The following WWP2 variants were observed in gnomAD, a reference collection of about 807,000 sequenced individuals.
WWP2 encodes the protein NEDD4-like E3 ubiquitin-protein ligase WWP2.
In WWP2, 57 loss-of-function variants were observed where a neutral mutation model predicts 121.0. That is an observed-to-expected ratio of 0.47 (90% confidence interval 0.38 to 0.59). WWP2 has a LOEUF of 0.59. Ranked by LOEUF, WWP2 falls within the 20% of genes least tolerant of loss-of-function variation. The pLI is 0.00. For synonymous variants in WWP2, 449 were observed against 441.3 expected (o/e 1.02, Z -0.22); for missense variants, 962 against 1,158.9 (o/e 0.83, Z 2.47).
intron 8 of WWP2, among the ~76,000 whole-genome samples, chr16:69,889,036 C>T (rs1424787222): frequency 1.3e-5 from 2 of 152,134 alleles, no homozygotes; most frequent in African/African-American, 2.4e-5. Flanking sequence ...AGTCAGATGG[C>T]GTGGTGGCTC....
intron 1 of WWP2, among the ~76,000 whole-genome samples, chr16:69,766,415 G>T (rs953297332): frequency 3.3e-5 from 5 of 152,140 alleles, no homozygotes; most frequent in African/African-American, 1.2e-4. Context: ...GGTGGATCCT[G>T]TCCACTCCAC....
intron 9 of WWP2, among the ~76,000 whole-genome samples, chr16:69,915,881 T>G (rs2058472892): frequency 1.3e-5 from 2 of 151,828 alleles, no homozygotes; most frequent in African/African-American, 4.8e-5. Flanking sequence ...CAAAAATTTT[T>G]TTAAAAAATT....
At chr16:69,894,640 A>G (rs1357549375) in intron 8 of WWP2, among the ~76,000 whole-genome samples, 2 of 152,178 alleles carry the variant, frequency 1.3e-5, no homozygotes, top group Non-Finnish European at 2.9e-5. Flanking sequence ...GGTGCCAGGA[A>G]GGTTTGAAGG....
At position 69,935,276 on chromosome 16, in the gene WWP2, C is replaced by T. The variant is rs1228484057; in HGVS notation, c.1843-577C>T. Among the ~76,000 whole-genome samples, 2 of 152,216 alleles carry T rather than the reference C, an allele frequency of 1.3e-5. No homozygotes were observed. The highest frequency in any genetic ancestry group is 2.4e-5 in the African/African-American group (1 of 41,444). ...ACTAAATATGGCCGGCCCTTCCCAT[C>T]GTCGAGGAGTTCTTGGCCAAGGTGC... On this transcript the variant is annotated intron_variant, in intron 17 of 23. Coordinates refer to ENST00000359154, the MANE Select transcript of WWP2 (RefSeq NM_001270454.2). The surrounding 1 kb of genome is among the most constrained non-coding windows in gnomAD (Gnocchi z 5.2).
intron 8 of WWP2, among the ~76,000 whole-genome samples, chr16:69,898,001 G>GT (rs1292701589): frequency 1.3e-5 from 2 of 150,592 alleles, no homozygotes; most frequent in African/African-American, 2.4e-5. Context: ...TGTGTATGTG[G>GT]TTTTTTCTTT....
intron 2 of WWP2, among the ~76,000 whole-genome samples, chr16:69,797,067 A>C (rs1321204083): frequency 6.6e-6 from 1 of 152,158 alleles, no homozygotes; most frequent in Non-Finnish European, 1.5e-5. Flanking sequence ...TTGGGGCAGG[A>C]TGGGAGACGT....
chr16:69,809,162 A>G (rs1013631279), intron 4 of WWP2, among the ~76,000 whole-genome samples: 10 of 152,212 alleles, frequency 6.6e-5, no homozygotes, highest in African/African-American at 2.4e-4. Flanking sequence ...GTAGCAGGCA[A>G]ATCAGATCAG....
chr16:69,775,273 G>A (rs774276961), intron 1 of WWP2: 5 of 152,162 alleles, frequency 3.3e-5, no homozygotes, highest in African/African-American at 4.8e-5. Context: ...CATATGACCC[G>A]TTTCAGGGGA....
chr16:69,920,064 G>C (rs913606632), intron 10 of WWP2, among the ~76,000 whole-genome samples: 13 of 152,184 alleles, frequency 8.5e-5, no homozygotes, highest in East Asian at 1.9e-4. Context: ...CAAAGTGCTG[G>C]GATTACAGGT....
At chr16:69,792,423 G>A (rs958321613) in intron 2 of WWP2, among the ~76,000 whole-genome samples, 1 of 151,964 alleles carries the variant, frequency 6.6e-6, no homozygotes, top group African/African-American at 2.4e-5. Context: ...GACTTTAAAA[G>A]CTAAATCTCA....
intron 4 of WWP2, among the ~76,000 whole-genome samples, chr16:69,814,474 A>C (rs768693290): frequency 6.6e-6 from 1 of 152,144 alleles, no homozygotes; most frequent in Non-Finnish European, 1.5e-5. Flanking sequence ...AAATTCCTTC[A>C]CATCTGTAAT....
intron 3 of WWP2, 95 bp downstream of exon 3, chr16:69,798,924 C>A: frequency 6.6e-7 from 1 of 1,526,274 alleles, no homozygotes; most frequent in Non-Finnish European, 8.8e-7. Flanking sequence ...CCCTGTGGCA[C>A]CTCCGACTTT....
intron 4 of WWP2, among the ~76,000 whole-genome samples, chr16:69,810,292 C>G (rs922162176): frequency 6.0e-5 from 4 of 66,720 alleles, no homozygotes; most frequent in African/African-American, 2.1e-4. Flanking sequence ...GCTGACTTCT[C>G]TCTGAGGGGA....
intron 6 of WWP2, among the ~76,000 whole-genome samples, chr16:69,860,875 A>G (rs1422481308): frequency 6.6e-6 from 1 of 151,964 alleles, no homozygotes; most frequent in Non-Finnish European, 1.5e-5. Flanking sequence ...ACACTCTAAT[A>G]TACTGTAGTC....
intron 10 of WWP2, among the ~76,000 whole-genome samples, chr16:69,919,014 T>A (rs779775595): frequency 6.6e-6 from 1 of 151,716 alleles, no homozygotes; most frequent in Non-Finnish European, 1.5e-5. Flanking sequence ...CGGCTAATTT[T>A]TGTATTTTTA....
chr16:69,892,940 G>C (rs2151943894), intron 8 of WWP2, among the ~76,000 whole-genome samples: 1 of 152,252 alleles, frequency 6.6e-6, no homozygotes, highest in South Asian at 2.1e-4. Flanking sequence ...TCCTTAATAA[G>C]GCCTAAAAAG....
intron 4 of WWP2, among the ~76,000 whole-genome samples, chr16:69,825,695 A>G (rs2056674772): frequency 6.7e-6 from 1 of 149,000 alleles, no homozygotes; most frequent in Admixed American, 6.8e-5. Context: ...GTGCGATCAC[A>G]GCTCACTGCA....
chr16:69,899,930 A>G (rs1182198230), intron 8 of WWP2, among the ~76,000 whole-genome samples: 2 of 152,130 alleles, frequency 1.3e-5, no homozygotes, highest in Non-Finnish European at 2.9e-5. Flanking sequence ...TGCCTTTTCT[A>G]CCCAATATAT....
chr16:69,877,775 A>G (rs1319722568), intron 7 of WWP2, among the ~76,000 whole-genome samples: 2 of 152,100 alleles, frequency 1.3e-5, no homozygotes, highest in African/African-American at 4.8e-5. Flanking sequence ...CCGTCAGAAC[A>G]CACACAATAT....
Sources: allele counts gnomAD v4.1 joint callset (sites outside exome capture counted in the v4.1 genomes callset), GRCh38; gene constraint gnomAD v4.1.1; non-coding constraint Gnocchi (gnomAD v3.1); transcripts MANE v1.5; gene names NCBI Gene and HGNC (gene_info 2026-07-23, HGNC 2026-07-21).